Variants in TMEM182 observed in about 807,000 individuals in gnomAD.
The protein encoded by TMEM182 is transmembrane protein 182.
A neutral mutation model predicts 26.8 loss-of-function variants in TMEM182; 20 were observed. The ratio of observed to expected loss-of-function variants is 0.75; its 90% CI spans 0.53 to 1.09. TMEM182 has a LOEUF of 1.09. Among genes scored for constraint, TMEM182 ranks in the 50% least tolerant of loss-of-function variants. The probability of loss-of-function intolerance (pLI) is 0.00; values close to 1 mark genes in which losing one functional copy is unlikely to be tolerated. For missense variants in TMEM182, 277 were observed against 275.5 expected (o/e 1.01, Z -0.04); for synonymous variants, 109 against 102.2 (o/e 1.07, Z -0.40).
At chr2:102,773,994 A>T (rs554167245) in intron 3 of TMEM182, among the ~76,000 whole-genome samples, 7 of 152,286 alleles carry the variant, frequency 4.6e-5, no homozygotes, top group East Asian at 3.9e-4. Context: ...TAGATTTTTT[A>T]AAAAACTATT....
upstream of TMEM182, chr2:102,758,301 T>C (rs1680107634): frequency 3.4e-6 from 2 of 583,294 alleles, no homozygotes; most frequent in Non-Finnish European, 6.2e-6. Context: ...CCACAGCTGC[T>C]TAACAGCCTT....
intron 4 of TMEM182, among the ~76,000 whole-genome samples, chr2:102,804,361 T>C (rs988739328): frequency 6.6e-6 from 1 of 152,130 alleles, no homozygotes; most frequent in African/African-American, 2.4e-5. Context: ...TTCTTATGCC[T>C]TTGCGTCCTC....
intron 1 of TMEM182, among the ~76,000 whole-genome samples, chr2:102,738,677 G>A (rs1679451851): frequency 1.3e-5 from 2 of 152,014 alleles, no homozygotes; most frequent in Non-Finnish European, 2.9e-5. Flanking sequence ...ATTTCTAAGG[G>A]TGTCAGACAA....
At chr2:102,774,288 T>A (rs1204651104) in intron 3 of TMEM182, among the ~76,000 whole-genome samples, 2 of 144,252 alleles carry the variant, frequency 1.4e-5, no homozygotes, top group Non-Finnish European at 3.0e-5. Context: ...CAGAATCTCG[T>A]CCTGTAGCCC....
chr2:102,797,720 G>C, intron 3 of TMEM182, 143 bp from the exon 4 acceptor site: 1 of 991,268 alleles, frequency 1.0e-6, no homozygotes, highest in Non-Finnish European at 1.4e-6. Context: ...TGTTTGTTCA[G>C]ACCCATCCCT....
At chr2:102,806,323 G>C (rs979313140) in intron 4 of TMEM182, among the ~76,000 whole-genome samples, 5 of 152,170 alleles carry the variant, frequency 3.3e-5, no homozygotes, top group Admixed American at 3.3e-4. Context: ...GGGGAAGGCG[G>C]TTGGCTTGAC....
At chr2:102,748,338 G>A (rs1002126864) in intron 1 of TMEM182, among the ~76,000 whole-genome samples, 1 of 152,198 alleles carries the variant, frequency 6.6e-6, no homozygotes, top group African/African-American at 2.4e-5. Context: ...CCCTCTCACT[G>A]CTGCTGTCAT....
Position 102,799,225 on chromosome 2 carries a change from G to T in TMEM182, c.469+1225G>T, listed in dbSNP as rs145429851. ...GACAGTTGAAGGAAAGGAACAGAAT[G>T]GAGAAGGTTACTGTCCTTCTAATCA... On this transcript the variant is annotated intron_variant, in intron 4 of 4. Coordinates refer to ENST00000412401, the MANE Select transcript of TMEM182 (RefSeq NM_144632.5). Among the ~76,000 whole-genome samples, 1,094 of 152,334 alleles carry T rather than the reference G, an allele frequency of 7.2e-3. 16 individuals are homozygous for T. Among genetic ancestry groups the T allele is most frequent in the African/African-American group, 0.024 (1,015 of 41,574 alleles).
chr2:102,806,130 G>A (rs1682335570), intron 4 of TMEM182, among the ~76,000 whole-genome samples: 1 of 152,096 alleles, frequency 6.6e-6, no homozygotes, highest in Admixed American at 6.5e-5. Context: ...GAACTAACTA[G>A]TAGTGAGTGG....
intron 4 of TMEM182, among the ~76,000 whole-genome samples, chr2:102,808,576 T>C (rs1479102340): frequency 1.3e-5 from 2 of 152,324 alleles, no homozygotes; most frequent in East Asian, 3.9e-4. Context: ...AAATCATTTG[T>C]CTAAGAAAAT....
chr2:102,793,069 C>T (rs1254281247), intron 3 of TMEM182, among the ~76,000 whole-genome samples: 1 of 152,130 alleles, frequency 6.6e-6, no homozygotes, highest in African/African-American at 2.4e-5. Flanking sequence ...CCTGGGCTTC[C>T]CTGGCTCATC....
chr2:102,793,047 A>G (rs1681716086), intron 3 of TMEM182, among the ~76,000 whole-genome samples: 1 of 152,070 alleles, frequency 6.6e-6, no homozygotes, highest in Non-Finnish European at 1.5e-5. Flanking sequence ...GACCTGGTTC[A>G]GGATCCCTGA....
At chr2:102,789,914 G>T (rs1400847053) in intron 3 of TMEM182, among the ~76,000 whole-genome samples, 2 of 152,026 alleles carry the variant, frequency 1.3e-5, no homozygotes, top group African/African-American at 4.8e-5. Context: ...TCTCTGATTG[G>T]CATGGCCTTG....
chr2:102,817,000 A>G lies in TMEM182; in HGVS notation c.*2032A>G. 2 of 985,650 alleles carry G rather than the reference A, an allele frequency of 2.0e-6. No homozygotes were observed. Among genetic ancestry groups the G allele is most frequent in the Non-Finnish European group, 2.4e-6 (2 of 829,740 alleles). The allele number at this position is 985,650 out of a possible 1,614,324, so 61.1% of individuals were successfully genotyped here. A position where few individuals can be genotyped will look rare whatever the true frequency, so the allele number is the denominator to read the frequency against. ...TGGCTGAATAGCTGATGTGTATGAC[A>G]CTTTTACACAGATTTGCACTTTGGA... is the stretch of plus-strand genomic sequence containing the variant. On this transcript the variant is annotated 3_prime_UTR_variant, in exon 5 of 5. Transcript: ENST00000412401.
At chr2:102,744,735 T>A (rs992077173) in intron 1 of TMEM182, among the ~76,000 whole-genome samples, 1 of 152,162 alleles carries the variant, frequency 6.6e-6, no homozygotes, top group Non-Finnish European at 1.5e-5. Context: ...ATTGTCTTCA[T>A]CCTTATATGT....
intron 1 of TMEM182, among the ~76,000 whole-genome samples, chr2:102,745,043 A>T (rs1239461084): frequency 6.6e-6 from 1 of 151,794 alleles, no homozygotes; most frequent in Non-Finnish European, 1.5e-5. Flanking sequence ...CTAGCAACAC[A>T]TTGGTTAGAC....
At chr2:102,829,156 T>C (rs2104773652) in intron 3 of TMEM182, among the ~76,000 whole-genome samples, 1 of 152,330 alleles carries the variant, frequency 6.6e-6, no homozygotes, top group African/African-American at 2.4e-5. Flanking sequence ...ATGGAGTAGC[T>C]GGCATTCCCA....
At chr2:102,758,445 GA>G (rs756545733), upstream of TMEM182, 29 of 716,028 alleles carry the variant, frequency 4.1e-5, no homozygotes, top group South Asian at 4.2e-4. Context: ...ATTTTCTGAA[GA>G]AAAAAGACAC....
intron 4 of TMEM182, among the ~76,000 whole-genome samples, chr2:102,811,936 A>G (rs1397555424): frequency 1.3e-5 from 2 of 152,220 alleles, no homozygotes. Flanking sequence ...GGTATACTCT[A>G]TGCGACTGGA....
Sources: gnomAD v4.1 joint callset for allele counts (sites outside exome capture counted in the v4.1 genomes callset) on GRCh38, gnomAD v4.1.1 for gene constraint, MANE v1.5 for transcripts, NCBI Gene and HGNC (gene_info 2026-07-23, HGNC 2026-07-21) for gene names.